RRAS2: variants seen among roughly 807,000 people sequenced by gnomAD.
The protein encoded by RRAS2 is ras-related protein R-Ras2.
RRAS2 carries 7 observed loss-of-function variants against 27.6 expected under a neutral mutation model. The observed-to-expected ratio is 0.25, with a 90% CI of 0.14 to 0.48. The LOEUF (loss-of-function observed/expected upper bound fraction) is 0.48. Among genes scored for constraint, RRAS2 ranks in the 20% least tolerant of loss-of-function variants. The pLI is 0.99. For synonymous variants in RRAS2, 86 were observed against 90.9 expected, an observed-to-expected ratio of 0.95 and a Z score of 0.31; for missense variants, 178 against 256.2, an observed-to-expected ratio of 0.69 and a Z score of 2.08.
Position 14,294,753 on chromosome 11 carries a change from T to C in RRAS2, c.299+7A>G. 1 of 1,611,774 alleles carries C rather than the reference T, an allele frequency of 6.2e-7. No homozygotes were observed. The highest frequency in any genetic ancestry group is 8.5e-7 in the Non-Finnish European group (1 of 1,178,064). On this transcript the variant is annotated splice_region_variant and intron_variant, in intron 3 of 5. Coordinates refer to ENST00000256196, the MANE Select transcript of RRAS2 (RefSeq NM_012250.6). Reference sequence around the variant, plus strand: ...ACAGTGGATCTACATTCTAATATGGTACAAACCTGCCTCTATCTGTGACTG... The same window carrying C: ...ACAGTGGATCTACATTCTAATATGGCACAAACCTGCCTCTATCTGTGACTG...
intron 1 of RRAS2, among the ~76,000 whole-genome samples, chr11:14,352,801 AT>A (rs1194938737): frequency 1.5e-3 from 222 of 143,246 alleles, no homozygotes; most frequent in Middle Eastern, 3.6e-3. Flanking sequence ...AGAGAGAGAC[AT>A]TTTTTTTTTT....
Position 14,358,811 on chromosome 11 carries a change from G to A in RRAS2, c.60C>T (p.Val20=). 2 of 1,489,248 alleles carry A rather than the reference G, an allele frequency of 1.3e-6. No individual in the cohort carries two copies. The highest frequency in any genetic ancestry group is 2.9e-5 in the East Asian group (1 of 34,576). 92.3% of individuals were successfully genotyped at this position (1,489,248 alleles called of 1,614,324 possible). A position where few individuals can be genotyped will look rare whatever the true frequency, so the allele number is the denominator to read the frequency against. ...SGQEKYRLVV[V]GGGGVGKSAL... ...CCGACTTGCCCACGCCGCCCCCGCC[G>A]ACCACCACGAGCCGGTACTTCTCCT... Residue 20 remains valine (V), a synonymous_variant, in exon 1 of 6, where the codon GTC becomes GTT. Coordinates refer to ENST00000256196, the MANE Select transcript of RRAS2 (RefSeq NM_012250.6). This position sits in a 1 kb window ranked among gnomAD's most constrained non-coding sequence, Gnocchi z 5.1.
chr11:14,324,427 CAAA>C (rs77185501), intron 1 of RRAS2, among the ~76,000 whole-genome samples: 22 of 90,470 alleles, frequency 2.4e-4, no homozygotes, highest in South Asian at 3.5e-4. Flanking sequence ...AAACAGAGGC[CAAA>C]AAAAAAAAAA....
intron 1 of RRAS2, among the ~76,000 whole-genome samples, chr11:14,351,728 C>T (rs1282370826): frequency 6.8e-6 from 1 of 147,350 alleles, no homozygotes. Context: ...GAAACTCCAT[C>T]TCAAAAAAAA....
At chr11:14,319,210 T>A (rs1848173664) in intron 1 of RRAS2, among the ~76,000 whole-genome samples, 1 of 152,168 alleles carries the variant, frequency 6.6e-6, no homozygotes, top group South Asian at 2.1e-4. Flanking sequence ...TTTTCTCAAA[T>A]CCATCTCCCC....
At chr11:14,354,504 G>C (rs1423107999) in intron 1 of RRAS2, 1 of 152,022 alleles carries the variant, frequency 6.6e-6, no homozygotes, top group South Asian at 2.1e-4. Flanking sequence ...ATACCACACA[G>C]AAGTAAGGAG....
upstream of RRAS2, among the ~76,000 whole-genome samples, chr11:14,359,998 C>T (rs1849167043): frequency 2.0e-5 from 3 of 152,152 alleles, no homozygotes; most frequent in Admixed American, 6.5e-5. Context: ...CATTTGGAAC[C>T]AGTAGAATGC....
At chr11:14,352,008 A>G (rs1053493203) in intron 1 of RRAS2, among the ~76,000 whole-genome samples, 3 of 152,200 alleles carry the variant, frequency 2.0e-5, no homozygotes, top group African/African-American at 2.4e-5. Context: ...AAATGATTTT[A>G]AAAACCATAT....
At chr11:14,308,408 A>G (rs1235373154) in intron 1 of RRAS2, 2 of 303,408 alleles carry the variant, frequency 6.6e-6, no homozygotes, top group African/African-American at 4.5e-5. Context: ...CTAGATGAGT[A>G]AATCTCTTAA....
chr11:14,281,376 C>A (rs530232397), intron 5 of RRAS2, among the ~76,000 whole-genome samples: 3 of 152,242 alleles, frequency 2.0e-5, no homozygotes, highest in Admixed American at 2.0e-4. Flanking sequence ...ACACCATCAC[C>A]CCCTTTGGAA....
chr11:14,280,568 A>T (rs1276241205), intron 5 of RRAS2, among the ~76,000 whole-genome samples: 1 of 151,792 alleles, frequency 6.6e-6, no homozygotes, highest in Non-Finnish European at 1.5e-5. Context: ...TCTACTAAAA[A>T]TACAAAGATT....
rs1156514457 is a variant in RRAS2 at position 14,279,777 on chromosome 11, C to A, written c.528-353G>T. ...TATAAAATTAACCTTATGAGGTATG[C>A]AGGTCTTATCTGTGTTCTGCCATTT... is the stretch of plus-strand genomic sequence containing the variant. On this transcript the variant is annotated intron_variant, in intron 5 of 5. Coordinates refer to ENST00000256196, the MANE Select transcript of RRAS2 (RefSeq NM_012250.6). Among the ~76,000 whole-genome samples, 6 of 152,280 alleles carry A rather than the reference C, an allele frequency of 3.9e-5. No homozygotes were observed. The East Asian group carries it at 1.2e-3, about 29-fold the overall frequency.
At chr11:14,320,016 GA>G (rs1848191877) in intron 1 of RRAS2, among the ~76,000 whole-genome samples, 2 of 152,290 alleles carry the variant, frequency 1.3e-5, no homozygotes, top group South Asian at 4.2e-4. Context: ...GATAGCAGAA[GA>G]AAAATGTCAC....
At chr11:14,349,084 G>C (rs1247602808) in intron 1 of RRAS2, among the ~76,000 whole-genome samples, 1 of 152,198 alleles carries the variant, frequency 6.6e-6, no homozygotes, top group East Asian at 1.9e-4. Flanking sequence ...TCCTGCCTCA[G>C]CCTCCCAAGT....
At chr11:14,348,997 G>C (rs1312377422) in intron 1 of RRAS2, among the ~76,000 whole-genome samples, 1 of 151,984 alleles carries the variant, frequency 6.6e-6, no homozygotes, top group Non-Finnish European at 1.5e-5. Context: ...ATAGAGTCTC[G>C]CTCTGTTGCC....
intron 1 of RRAS2, among the ~76,000 whole-genome samples, chr11:14,351,059 A>G (rs916040888): frequency 6.6e-6 from 1 of 152,198 alleles, no homozygotes; most frequent in East Asian, 1.9e-4. Context: ...GCTGAGTCAA[A>G]AGGCATGTAT....
At chr11:14,295,915 T>C (rs781820556) in intron 1 of RRAS2, 60 bp from the exon 2 acceptor site, 10 of 1,488,110 alleles carry the variant, frequency 6.7e-6, no homozygotes, top group Non-Finnish European at 7.4e-6. Context: ...AGCTCACACC[T>C]GTAATCCTAT....
intron 1 of RRAS2, among the ~76,000 whole-genome samples, chr11:14,319,222 T>C (rs1554949927): frequency 2.0e-5 from 3 of 152,014 alleles, no homozygotes. Context: ...CATCTCCCCA[T>C]ACACCTCCGT....
chr11:14,340,263 A>AT (rs1554953106), intron 1 of RRAS2, among the ~76,000 whole-genome samples: 1 of 151,696 alleles, frequency 6.6e-6, no homozygotes, highest in African/African-American at 2.4e-5. Flanking sequence ...TGCCCAGCTA[A>AT]TTTTTTGTAT....
Sources: gnomAD v4.1 joint callset for allele counts (sites outside exome capture counted in the v4.1 genomes callset) on GRCh38, gnomAD v4.1.1 for gene constraint, Gnocchi (gnomAD v3.1) non-coding constraint, MANE v1.5 for transcripts, NCBI Gene and HGNC (gene_info 2026-07-23, HGNC 2026-07-21) for gene names.